The following PLEKHM1 variants were observed in gnomAD, a reference collection of about 807,000 sequenced individuals.
PLEKHM1 encodes pleckstrin homology and RUN domain containing M1, also known as pleckstrin homology domain-containing family M member 1.
Under a neutral mutation model 94.3 loss-of-function variants are expected in PLEKHM1, and 28 were observed. The ratio of observed to expected loss-of-function variants is 0.30; its 90% CI spans 0.22 to 0.41. The LOEUF is 0.41. Ranked by LOEUF, PLEKHM1 falls within the 10% of genes least tolerant of loss-of-function variation. The probability of loss-of-function intolerance (pLI) is 1.00; values close to 1 mark genes in which losing one functional copy is unlikely to be tolerated. For synonymous variants in PLEKHM1, 424 were observed against 581.2 expected, an observed-to-expected ratio of 0.73 and a Z score of 3.89; for missense variants, 907 against 1,358.6, an observed-to-expected ratio of 0.67 and a Z score of 5.22.
At chr17:45,480,824 T>C (rs554192311) in intron 2 of PLEKHM1, among the ~76,000 whole-genome samples, 10 of 152,344 alleles carry the variant, frequency 6.6e-5, no homozygotes, top group African/African-American at 2.4e-4. Flanking sequence ...ATTCATCAGT[T>C]AATAGACATT....
intron 9 of PLEKHM1, among the ~76,000 whole-genome samples, chr17:45,442,906 G>C (rs62065374): frequency 6.6e-6 from 1 of 151,998 alleles, no homozygotes; most frequent in Non-Finnish European, 1.5e-5. Flanking sequence ...TCTTGCTACC[G>C]GTCTCTTAGC....
chr17:45,435,441 A>G (rs1484105663), downstream of PLEKHM1, among the ~76,000 whole-genome samples: 1 of 152,174 alleles, frequency 6.6e-6, no homozygotes, highest in Admixed American at 6.5e-5. Flanking sequence ...CCCTAAAACC[A>G]TGAGCCCTGA....
Position 45,453,180 on chromosome 17 carries a change from A to C in PLEKHM1, c.2497+175T>G, listed in dbSNP as rs925964060. ...TGCCTATGAGCAGGGCACTGGCCCC[A>C]GCCGGGGCTGGGGAGGAGCAGAAGC... is the stretch of plus-strand genomic sequence containing the variant. On this transcript the variant is annotated intron_variant, in intron 7 of 11. Coordinates refer to ENST00000430334, the MANE Select transcript of PLEKHM1 (RefSeq NM_014798.3). This position sits in a 1 kb window ranked among gnomAD's most constrained non-coding sequence, Gnocchi z 4.1. 2 of 662,174 alleles carry C rather than the reference A, an allele frequency of 3.0e-6. No individual in the cohort carries two copies. Among genetic ancestry groups the C allele is most frequent in the African/African-American group, 3.5e-5 (2 of 56,364 alleles). 41.0% of individuals were successfully genotyped at this position (662,174 alleles called of 1,614,324 possible).
rs997701184 is a variant in PLEKHM1 at position 45,444,377 on chromosome 17, T to C, written c.2837+1093A>G. Among the ~76,000 whole-genome samples the C allele has an allele frequency of 1.3e-5, 2 of 152,170 alleles. No individual in the cohort carries two copies. The highest frequency in any genetic ancestry group is 4.8e-5 in the African/African-American group (2 of 41,434). On this transcript the variant is annotated intron_variant, in intron 9 of 11. Transcript: ENST00000430334. The surrounding 1 kb of genome is among the most constrained non-coding windows in gnomAD (Gnocchi z 5.0). The stretch of plus-strand genomic sequence containing the variant: ...TGACCTGAGGACTAGGAAGCGTTTA[T>C]GACAGGCATGGAGAGGCCTAAGTCC...
downstream of PLEKHM1, among the ~76,000 whole-genome samples, chr17:45,434,822 C>T (rs2050221881): frequency 6.6e-6 from 1 of 151,842 alleles, no homozygotes; most frequent in Non-Finnish European, 1.5e-5. Flanking sequence ...CACCTGTCCT[C>T]CTTCAGAGAG....
In PLEKHM1 at chr17:45,440,430, G is replaced by A. The variant is rs367882368; in HGVS notation, c.2838-204C>T. On this transcript the variant is annotated intron_variant, in intron 9 of 11. Transcript: ENST00000430334. ...AACTAGCTGGTGGGACCTTGGGCAC[G>A]TTACTTAACCTCTCTGAACCTTGGG... 1.2e-5 allele frequency: 8 copies of A among 648,838 alleles called. No individual in the cohort carries two copies. The East Asian group carries it at 1.4e-4, about 11-fold the overall frequency. 40.2% of individuals were successfully genotyped at this position (648,838 alleles called of 1,614,324 possible). A position where few individuals can be genotyped will look rare whatever the true frequency, so the allele number is the denominator to read the frequency against.
intron 9 of PLEKHM1, among the ~76,000 whole-genome samples, chr17:45,440,539 GTAAT>G (rs2050418766): frequency 6.6e-6 from 1 of 152,246 alleles, no homozygotes; most frequent in Non-Finnish European, 1.5e-5. Context: ...CAGTAAACAC[GTAAT>G]TAATCATGAG....
intron 1 of PLEKHM1, among the ~76,000 whole-genome samples, chr17:45,487,479 C>A (rs1450714145): frequency 6.6e-6 from 1 of 152,194 alleles, no homozygotes; most frequent in Non-Finnish European, 1.5e-5. Context: ...CATTTCATCA[C>A]AGAAGGTCTG....
Position 45,462,506 on chromosome 17 carries a change from G to A in PLEKHM1, c.1309-4067C>T, listed in dbSNP as rs969540281. Reference sequence around the variant, plus strand: ...AGACTCAGCTCAGGAGACATCCATCGCCTCTGCCTGGAAGCTTCTCTCACC... The same window carrying A: ...AGACTCAGCTCAGGAGACATCCATCACCTCTGCCTGGAAGCTTCTCTCACC... On this transcript the variant is annotated intron_variant, in intron 5 of 11. Coordinates refer to ENST00000430334, the MANE Select transcript of PLEKHM1 (RefSeq NM_014798.3). 3.4e-3 allele frequency among the ~76,000 whole-genome samples: 518 copies of A among 152,040 alleles called. 11 individuals carry two copies. The highest frequency in any genetic ancestry group is 1.9e-3 in the Non-Finnish European group (130 of 67,930).
At chr17:45,479,387 C>T (rs2051864070) in intron 2 of PLEKHM1, among the ~76,000 whole-genome samples, 1 of 152,270 alleles carries the variant, frequency 6.6e-6, no homozygotes, top group Admixed American at 6.5e-5. Flanking sequence ...GGCGTGGTGG[C>T]AGCGCCTGTA....
At chr17:45,476,708 G>C (rs1195775437) in intron 3 of PLEKHM1, among the ~76,000 whole-genome samples, 1 of 152,074 alleles carries the variant, frequency 6.6e-6, no homozygotes, top group Non-Finnish European at 1.5e-5. Context: ...GCAGACTGCA[G>C]GGTAGATGTT....
intron 7 of PLEKHM1, among the ~76,000 whole-genome samples, chr17:45,451,788 C>T (rs2050781255): frequency 1.3e-5 from 2 of 152,106 alleles, no homozygotes; most frequent in South Asian, 4.1e-4. Context: ...GTTGCCCCCG[C>T]AGCATTCACA....
chr17:45,462,293 G>A (rs2051175503), intron 5 of PLEKHM1, among the ~76,000 whole-genome samples: 1 of 152,172 alleles, frequency 6.6e-6, no homozygotes, highest in East Asian at 1.9e-4. Flanking sequence ...GGCAGCCACT[G>A]GGGACCATCC....
chr17:45,465,067 A>G (rs2051279312), intron 5 of PLEKHM1, among the ~76,000 whole-genome samples: 1 of 151,974 alleles, frequency 6.6e-6, no homozygotes, highest in Non-Finnish European at 1.5e-5. Context: ...GGGGAACAAA[A>G]TAAACTTAGG....
intron 1 of PLEKHM1, among the ~76,000 whole-genome samples, chr17:45,489,553 A>G (rs2052240177): frequency 6.6e-6 from 1 of 152,164 alleles, no homozygotes; most frequent in Non-Finnish European, 1.5e-5. Flanking sequence ...AAGTCATTTA[A>G]TATGAATGCC....
rs777711964 is a variant in PLEKHM1, at chr17:45,439,471, G to T, written c.3059+6C>A. On this transcript the variant is annotated splice_donor_region_variant and intron_variant, in intron 11 of 11. Coordinates refer to ENST00000430334, the MANE Select transcript of PLEKHM1 (RefSeq NM_014798.3). ...TGGAAGGCGGCTGGCTGGGTGTCCC[G>T]CATACCTGACTGTGGTGTCAAACTC... 2.5e-6 allele frequency: 4 copies of T among 1,614,022 alleles called. No individual in the cohort carries two copies. The highest frequency in any genetic ancestry group is 1.1e-5 in the South Asian group (1 of 91,082).
chr17:45,473,654 G>A (rs1455476339), intron 4 of PLEKHM1, among the ~76,000 whole-genome samples: 2 of 151,960 alleles, frequency 1.3e-5, no homozygotes, highest in African/African-American at 2.4e-5. Flanking sequence ...CGCCTCCTGG[G>A]TCCACACCAT....
intron 3 of PLEKHM1, chr17:45,477,139 G>C (rs1196884983): frequency 1.3e-5 from 2 of 153,634 alleles, no homozygotes; most frequent in Non-Finnish European, 2.9e-5. Context: ...AAGTGTCTCA[G>C]GGTGAATATT....
chr17:45,480,071 A>G (rs1472785126), intron 2 of PLEKHM1, among the ~76,000 whole-genome samples: 3 of 152,342 alleles, frequency 2.0e-5, no homozygotes, highest in South Asian at 2.1e-4. Context: ...TTGAAAAAAT[A>G]TAACGGTTTT....
Sources: gnomAD v4.1 joint callset for allele counts (sites outside exome capture counted in the v4.1 genomes callset) on GRCh38, gnomAD v4.1.1 for gene constraint, Gnocchi (gnomAD v3.1) non-coding constraint, MANE v1.5 for transcripts, NCBI Gene and HGNC (gene_info 2026-07-23, HGNC 2026-07-21) for gene names.